The following CDKAL1 variants were observed in gnomAD, a reference collection of about 807,000 sequenced individuals.
CDKAL1 encodes CDKAL1 threonylcarbamoyladenosine tRNA methylthiotransferase, also known as threonylcarbamoyladenosine tRNA methylthiotransferase.
CDKAL1 carries 32 observed loss-of-function variants against 68.2 expected under a neutral mutation model. The observed-to-expected ratio is 0.47, with a 90% CI of 0.35 to 0.63. The LOEUF is 0.63. Among genes scored for constraint, CDKAL1 ranks in the 30% least tolerant of loss-of-function variants. The pLI, the probability that CDKAL1 is intolerant of heterozygous loss-of-function variation, is 0.00. For synonymous variants in CDKAL1, 234 were observed against 244.3 expected, an observed-to-expected ratio of 0.96 and a Z score of 0.39; for missense variants, 606 against 696.7, an observed-to-expected ratio of 0.87 and a Z score of 1.47.
At chr6:20,823,663 G>A (rs1777381302) in intron 8 of CDKAL1, among the ~76,000 whole-genome samples, 1 of 152,078 alleles carries the variant, frequency 6.6e-6, no homozygotes, top group Non-Finnish European at 1.5e-5. Context: ...AGAACTGTCT[G>A]AATTATCAGA....
chr6:20,943,328 C>CAAAAAAAAA (rs34759060), intron 9 of CDKAL1, among the ~76,000 whole-genome samples: 18 of 50,970 alleles, frequency 3.5e-4, no homozygotes, highest in African/African-American at 7.5e-4. Flanking sequence ...CTTGTTTTTT[C>CAAAAAAAAA]AAAAAAAAAA....
At chr6:21,086,311 G>A (rs1165541788) in intron 12 of CDKAL1, among the ~76,000 whole-genome samples, 5 of 152,092 alleles carry the variant, frequency 3.3e-5, no homozygotes, top group Admixed American at 2.6e-4. Context: ...AAGAAAATTA[G>A]TGCCTAAAAT....
At chr6:20,796,639 T>C (rs1305529510) in intron 8 of CDKAL1, among the ~76,000 whole-genome samples, 1 of 152,170 alleles carries the variant, frequency 6.6e-6, no homozygotes, top group Non-Finnish European at 1.5e-5. Flanking sequence ...GATAGACACA[T>C]TAAATCACTG....
At chr6:21,001,030 T>C (rs907005160) in intron 11 of CDKAL1, among the ~76,000 whole-genome samples, 1 of 152,260 alleles carries the variant, frequency 6.6e-6, no homozygotes, top group African/African-American at 2.4e-5. Flanking sequence ...TCACCAAACA[T>C]TGACTGCCTT....
chr6:20,693,387 C>A lies in CDKAL1; in HGVS notation c.371+44010C>A, dbSNP rs186649349. Among the ~76,000 whole-genome samples, 698 of 152,110 alleles carry A rather than the reference C, an allele frequency of 4.6e-3. 17 individuals are homozygous for A. The highest frequency in any genetic ancestry group is 0.042 in the Admixed American group (649 of 15,274). ...TTTGCCCAGTTGAAATAAGATAATTCTTTTATTCAATTCCAGGACTCTGAA... is the reference window on the plus strand; with the variant it reads ...TTTGCCCAGTTGAAATAAGATAATTATTTTATTCAATTCCAGGACTCTGAA... On this transcript the variant is annotated intron_variant, in intron 5 of 15. Coordinates refer to ENST00000274695, the MANE Select transcript of CDKAL1 (RefSeq NM_017774.3).
chr6:21,140,160 A>G (rs1266458030), intron 13 of CDKAL1, among the ~76,000 whole-genome samples: 1 of 152,252 alleles, frequency 6.6e-6, no homozygotes. Context: ...ACTGGATTAT[A>G]TACTGCCTTG....
intron 11 of CDKAL1, among the ~76,000 whole-genome samples, chr6:21,046,700 A>G (rs1419910297): frequency 1.3e-5 from 2 of 152,272 alleles, no homozygotes; most frequent in African/African-American, 4.8e-5. Context: ...ACGTCTAACA[A>G]ACAGACACAT....
intron 9 of CDKAL1, among the ~76,000 whole-genome samples, chr6:20,897,134 A>G (rs1444920413): frequency 6.6e-6 from 1 of 152,190 alleles, no homozygotes; most frequent in African/African-American, 2.4e-5. Flanking sequence ...TTCACATGAC[A>G]GAAGGGGTGA....
intron 13 of CDKAL1, among the ~76,000 whole-genome samples, chr6:21,152,920 A>G (rs1776479414): frequency 6.6e-6 from 1 of 152,192 alleles, no homozygotes. Context: ...AAATATTTCC[A>G]TTCGACTCTT....
At chr6:20,826,946 C>G (rs959244864) in intron 8 of CDKAL1, among the ~76,000 whole-genome samples, 6 of 151,992 alleles carry the variant, frequency 3.9e-5, no homozygotes, top group African/African-American at 1.5e-4. Flanking sequence ...TGGACATTAC[C>G]AAAAATCTTA....
At chr6:21,169,219 A>C (rs902691540) in intron 13 of CDKAL1, among the ~76,000 whole-genome samples, 3 of 152,252 alleles carry the variant, frequency 2.0e-5, no homozygotes, top group African/African-American at 4.8e-5. Context: ...CAGATATTAC[A>C]ATGCCATGCA....
chr6:20,893,786 A>G (rs1761534757), intron 9 of CDKAL1, among the ~76,000 whole-genome samples: 1 of 152,194 alleles, frequency 6.6e-6, no homozygotes, highest in Non-Finnish European at 1.5e-5. Context: ...AAATGAAGAA[A>G]TGTATGCAGA....
chr6:20,654,348 C>T (rs1412537075), intron 5 of CDKAL1, among the ~76,000 whole-genome samples: 2 of 148,104 alleles, frequency 1.4e-5, no homozygotes, highest in Non-Finnish European at 1.5e-5. Context: ...TATTATGTGT[C>T]TTACATATCC....
intron 11 of CDKAL1, among the ~76,000 whole-genome samples, chr6:21,016,612 TCATC>T (rs3061573): frequency 0.21 from 30,940 of 143,914 alleles, 3,390 homozygotes; most frequent in African/African-American, 0.26. Flanking sequence ...CGCCTTCCAT[TCATC>T]CATCCATCCA....
chr6:20,782,492 T>C (rs1775473792), intron 8 of CDKAL1, among the ~76,000 whole-genome samples: 1 of 152,202 alleles, frequency 6.6e-6, no homozygotes, highest in African/African-American at 2.4e-5. Flanking sequence ...CCTTCCTCAG[T>C]TCTTTTTTCC....
At chr6:20,926,250 T>C (rs1424744773) in intron 9 of CDKAL1, among the ~76,000 whole-genome samples, 1 of 152,116 alleles carries the variant, frequency 6.6e-6, no homozygotes, top group Non-Finnish European at 1.5e-5. Flanking sequence ...GAATTTGGAC[T>C]GGACACTGAC....
intron 10 of CDKAL1, among the ~76,000 whole-genome samples, chr6:20,983,547 C>T (rs967089754): frequency 5.3e-5 from 8 of 152,042 alleles, no homozygotes; most frequent in Non-Finnish European, 1.2e-4. Context: ...ATGGTGAAAC[C>T]CTGTCTCTAC....
At chr6:20,792,374 T>G (rs1459317922) in intron 8 of CDKAL1, among the ~76,000 whole-genome samples, 1 of 152,214 alleles carries the variant, frequency 6.6e-6, no homozygotes, top group African/African-American at 2.4e-5. Flanking sequence ...TGTATGTACC[T>G]TTGTGATTTG....
At chr6:20,840,431 G>T (rs1778128631) in intron 8 of CDKAL1, among the ~76,000 whole-genome samples, 1 of 152,194 alleles carries the variant, frequency 6.6e-6, no homozygotes, top group African/African-American at 2.4e-5. Context: ...TAGCTGATGG[G>T]AATAGAGTAA....
Sources: gnomAD v4.1 joint callset for allele counts (sites outside exome capture counted in the v4.1 genomes callset) on GRCh38, gnomAD v4.1.1 for gene constraint, MANE v1.5 for transcripts, NCBI Gene and HGNC (gene_info 2026-07-23, HGNC 2026-07-21) for gene names.